PTPRD: variants seen among roughly 807,000 people sequenced by gnomAD.
PTPRD encodes protein tyrosine phosphatase receptor type D, also known as receptor-type tyrosine-protein phosphatase delta.
PTPRD carries 34 observed loss-of-function variants against 214.5 expected under a neutral mutation model. That is an observed-to-expected ratio of 0.16 (90% CI 0.12 to 0.21). The LOEUF (loss-of-function observed/expected upper bound fraction) is 0.21. Ranked by LOEUF, PTPRD falls within the 10% of genes least tolerant of loss-of-function variation. The probability of loss-of-function intolerance (pLI) is 1.00; values close to 1 mark genes in which losing one functional copy is unlikely to be tolerated. For synonymous variants in PTPRD, 1,128 were observed against 845.7 expected, an observed-to-expected ratio of 1.33 and a Z score of -5.79; for missense variants, 2,545 against 2,398.7, an observed-to-expected ratio of 1.06 and a Z score of -1.27.
intron 5 of PTPRD, among the ~76,000 whole-genome samples, chr9:9,824,919 A>T (rs997364613): frequency 2.6e-5 from 4 of 152,012 alleles, no homozygotes; most frequent in Admixed American, 6.6e-5. Context: ...CAAAGCATAT[A>T]AAGTGGGCTC....
chr9:10,511,916 G>A (rs536698713), intron 2 of PTPRD, among the ~76,000 whole-genome samples: 1 of 79,892 alleles, frequency 1.3e-5, no homozygotes, highest in East Asian at 3.5e-4. Flanking sequence ...ATATATATAC[G>A]TGTATATATA....
chr9:10,241,023 A>C (rs2090932937), intron 3 of PTPRD, among the ~76,000 whole-genome samples: 1 of 151,716 alleles, frequency 6.6e-6, no homozygotes, highest in South Asian at 2.1e-4. Context: ...AGTAGAAAAA[A>C]AAAAATGACA....
chr9:9,042,308 T>C (rs908316221), intron 10 of PTPRD, among the ~76,000 whole-genome samples: 4 of 152,118 alleles, frequency 2.6e-5, no homozygotes, highest in African/African-American at 9.7e-5. Context: ...TGTGGATGGG[T>C]TCCGGCAAGA....
At chr9:10,199,554 G>T (rs549876996) in intron 3 of PTPRD, among the ~76,000 whole-genome samples, 3 of 152,088 alleles carry the variant, frequency 2.0e-5, no homozygotes, top group African/African-American at 7.2e-5. Context: ...TCAAGAAATG[G>T]GTGAGGGCTC....
intron 5 of PTPRD, among the ~76,000 whole-genome samples, chr9:9,911,492 T>TAAAAA (rs368444233): frequency 2.0e-5 from 3 of 151,600 alleles, no homozygotes; most frequent in Non-Finnish European, 4.4e-5. Context: ...TGGGGTTTGT[T>TAAAAA]ACCCCAACTA....
At chr9:9,643,903 A>T (rs2154367889) in intron 7 of PTPRD, among the ~76,000 whole-genome samples, 1 of 152,308 alleles carries the variant, frequency 6.6e-6, no homozygotes, top group African/African-American at 2.4e-5. Context: ...CTGCCCGCTA[A>T]AGAATTATGT....
chr9:9,912,184 C>A (rs900262758), intron 5 of PTPRD, among the ~76,000 whole-genome samples: 2 of 152,046 alleles, frequency 1.3e-5, no homozygotes, highest in African/African-American at 4.8e-5. Flanking sequence ...AATAAATACA[C>A]TTTTTTAATC....
intron 35 of PTPRD, among the ~76,000 whole-genome samples, chr9:8,412,263 G>C (rs942504242): frequency 6.6e-6 from 1 of 151,964 alleles, no homozygotes; most frequent in Admixed American, 6.6e-5. Context: ...ATTAAAATAG[G>C]TTATGCACAC....
At chr9:10,589,555 GAGAC>G (rs1310893902) in intron 2 of PTPRD, among the ~76,000 whole-genome samples, 3 of 152,050 alleles carry the variant, frequency 2.0e-5, no homozygotes, top group Middle Eastern at 3.2e-3. Flanking sequence ...TAAAGGGGGA[GAGAC>G]AGACAGAGGC....
intron 8 of PTPRD, among the ~76,000 whole-genome samples, chr9:9,445,958 G>A (rs2090259531): frequency 6.6e-6 from 1 of 152,164 alleles, no homozygotes; most frequent in Admixed American, 6.5e-5. Context: ...ACAAAAGGAA[G>A]TGAGAAACAA....
chr9:9,293,108 G>A lies in PTPRD; in HGVS notation c.-203+104341C>T, dbSNP rs1449531985. On this transcript the variant is annotated intron_variant, in intron 9 of 45. Transcript: ENST00000381196. ...ACTGTGCACATCCCATATGGAAGTG[G>A]AGAGTTATGCTTTACCTTCTTGAGA... Among the ~76,000 whole-genome samples, 3 of 151,470 alleles carry A rather than the reference G, an allele frequency of 2.0e-5. No homozygotes were observed. The Admixed American group carries it at 2.0e-4, about 10-fold the overall frequency.
In PTPRD at chr9:8,465,650, C is replaced by G; in HGVS notation, c.3530G>C (p.Arg1177Pro). ...TTCTCTCCCATAACGGATGCTTCTG[C>G]GCTTCCTAGATATCTCCTTAAGCAG... ...DELLKEISRK[R>P]RSIRYGREVE... Residue 1177 changes from arginine (R) to proline (P), a missense_variant, in exon 32 of 46, where the codon CGC becomes CCC. By Grantham distance (103) the Arg-to-Pro change is moderately radical (BLOSUM62 -2). Coordinates refer to ENST00000381196, the MANE Select transcript of PTPRD (RefSeq NM_002839.4). 5 of 1,611,754 alleles carry G rather than the reference C, an allele frequency of 3.1e-6. No individual in the cohort carries two copies. The highest frequency in any genetic ancestry group is 4.2e-6 in the Non-Finnish European group (5 of 1,178,612).
chr9:9,353,227 G>C (rs959906771), intron 9 of PTPRD, among the ~76,000 whole-genome samples: 1 of 151,830 alleles, frequency 6.6e-6, no homozygotes, highest in South Asian at 2.1e-4. Flanking sequence ...ATATTTTAAT[G>C]TCTGTTACCA....
intron 4 of PTPRD, among the ~76,000 whole-genome samples, chr9:9,975,709 G>A (rs2095327152): frequency 6.6e-6 from 1 of 152,140 alleles, no homozygotes; most frequent in African/African-American, 2.4e-5. Context: ...AATAAGAAAG[G>A]CTCCTGGAGG....
intron 10 of PTPRD, among the ~76,000 whole-genome samples, chr9:9,040,860 G>A (rs1017961212): frequency 2.0e-5 from 3 of 152,064 alleles, no homozygotes; most frequent in African/African-American, 7.2e-5. Context: ...TAGAGCCTTT[G>A]AAAAGCTTTT....
At chr9:9,609,893 A>G (rs1401492656) in intron 7 of PTPRD, among the ~76,000 whole-genome samples, 1 of 152,214 alleles carries the variant, frequency 6.6e-6, no homozygotes, top group Non-Finnish European at 1.5e-5. Flanking sequence ...GTAGATAACT[A>G]ATTTATAAAA....
At chr9:8,599,285 T>C (rs2094664790) in intron 14 of PTPRD, among the ~76,000 whole-genome samples, 1 of 152,128 alleles carries the variant, frequency 6.6e-6, no homozygotes, top group Non-Finnish European at 1.5e-5. Context: ...CAGTCTCAGG[T>C]ATGTCTTTAT....
At chr9:8,912,012 T>A (rs1054858491) in intron 11 of PTPRD, among the ~76,000 whole-genome samples, 1 of 152,166 alleles carries the variant, frequency 6.6e-6, no homozygotes, top group Non-Finnish European at 1.5e-5. Flanking sequence ...TAACAAGTAC[T>A]GGTAAGGATG....
At chr9:9,252,829 T>C (rs1486112498) in intron 9 of PTPRD, among the ~76,000 whole-genome samples, 1 of 152,068 alleles carries the variant, frequency 6.6e-6, no homozygotes, top group African/African-American at 2.4e-5. Flanking sequence ...TCTGTCTTGT[T>C]AATCTGTCTT....
Sources: gnomAD v4.1 joint callset for allele counts (sites outside exome capture counted in the v4.1 genomes callset) on GRCh38, gnomAD v4.1.1 for gene constraint, MANE v1.5 for transcripts, NCBI Gene and HGNC (gene_info 2026-07-23, HGNC 2026-07-21) for gene names.